Variants in CTTNBP2 observed in about 807,000 individuals in gnomAD.
CTTNBP2 encodes cortactin binding protein 2.
In CTTNBP2, 108 loss-of-function variants were observed where a neutral mutation model predicts 156.9. The ratio of observed to expected loss-of-function variants is 0.69; its 90% CI spans 0.59 to 0.81. The LOEUF is 0.81. CTTNBP2 is among the 30% of genes least tolerant of loss of function. The pLI, the probability that CTTNBP2 is intolerant of heterozygous loss-of-function variation, is 0.00. For missense variants in CTTNBP2, 1,924 were observed against 2,035.4 expected (o/e 0.95, Z 1.05); for synonymous variants, 767 against 751.8 (o/e 1.02, Z -0.33).
intron 19 of CTTNBP2, among the ~76,000 whole-genome samples, chr7:117,724,346 G>C (rs978097230): frequency 6.6e-6 from 1 of 152,090 alleles, no homozygotes; most frequent in East Asian, 1.9e-4. Flanking sequence ...GTTTGAAAGC[G>C]GTATTTTTCA....
chr7:117,869,613 GA>G (rs1414127568), intron 1 of CTTNBP2, among the ~76,000 whole-genome samples: 1 of 152,140 alleles, frequency 6.6e-6, no homozygotes, highest in African/African-American at 2.4e-5. Flanking sequence ...AAAGTTATGA[GA>G]AACACACAAG....
intron 16 of CTTNBP2, among the ~76,000 whole-genome samples, chr7:117,733,147 C>A (rs551782816): frequency 1.6e-4 from 24 of 152,284 alleles, no homozygotes; most frequent in Admixed American, 1.2e-3. Context: ...TAAGTGCCCA[C>A]AAAGATTAGG....
At chr7:117,861,181 T>G (rs944857560) in intron 2 of CTTNBP2, 28 bp downstream of exon 2, 2 of 1,390,188 alleles carry the variant, frequency 1.4e-6, no homozygotes, top group African/African-American at 2.9e-5. Context: ...TGATCCAGCA[T>G]GGAGACCCAC....
In CTTNBP2 at chr7:117,777,495, C is replaced by G. The variant is rs1335086437; in HGVS notation, c.2778+16G>C. ...AATTACAGCTGCATGATGAGGCCAG[C>G]TGCTACCAGACACACCTTAAAACCT... On this transcript the variant is annotated intron_variant, in intron 8 of 22. Coordinates refer to ENST00000160373, the MANE Select transcript of CTTNBP2 (RefSeq NM_033427.3). 6.2e-7 allele frequency: 1 copy of G among 1,607,448 alleles called. No individual in the cohort carries two copies. The highest frequency in any genetic ancestry group is 1.7e-5 in the Admixed American group (1 of 59,858).
intron 2 of CTTNBP2, among the ~76,000 whole-genome samples, chr7:117,822,717 C>T (rs1324251706): frequency 6.6e-6 from 1 of 152,192 alleles, no homozygotes; most frequent in Non-Finnish European, 1.5e-5. Context: ...ATTGAGGTCA[C>T]TGAATACATA....
intron 2 of CTTNBP2, among the ~76,000 whole-genome samples, chr7:117,814,294 TTTG>T (rs1375483184): frequency 6.6e-6 from 1 of 152,164 alleles, no homozygotes; most frequent in Non-Finnish European, 1.5e-5. Flanking sequence ...CATGTGTATT[TTTG>T]TTGTGTTTTT....
intron 1 of CTTNBP2, 129 bp downstream of exon 1, chr7:117,873,206 A>T: frequency 4.4e-6 from 3 of 674,828 alleles, no homozygotes; most frequent in Non-Finnish European, 6.3e-6. Flanking sequence ...GGCCCCGATG[A>T]AGGGGCACCG....
chr7:117,776,517 C>T (rs1329305888), intron 8 of CTTNBP2, among the ~76,000 whole-genome samples: 1 of 152,152 alleles, frequency 6.6e-6, no homozygotes, highest in Non-Finnish European at 1.5e-5. Context: ...TCCATTACCC[C>T]AATTAACAGG....
chr7:117,863,629 T>C (rs936129603), intron 1 of CTTNBP2, among the ~76,000 whole-genome samples: 2 of 152,246 alleles, frequency 1.3e-5, no homozygotes, highest in African/African-American at 4.8e-5. Context: ...AGCACTTCTG[T>C]AACTCATGCC....
rs371424675 is a variant in CTTNBP2 at position 117,740,648 on chromosome 7, G to C, written c.3535+5183C>G. On this transcript the variant is annotated intron_variant, in intron 14 of 22. Transcript: ENST00000160373. ...TATATGCTCATTATTCTAAACGTTT[G>C]AGTGGAATAGCCTAGAAAACCCCTT... Among the ~76,000 whole-genome samples the C allele has an allele frequency of 2.0e-5, 3 of 152,316 alleles. No homozygotes were observed. The East Asian group carries it at 5.8e-4, about 29-fold the overall frequency.
rs1046725445 is a variant in CTTNBP2 at position 117,767,296 on chromosome 7, T to C, written c.2779-120A>G. ...CAAGAATTCATGGCTATAAATCTTA[T>C]TTCAATTCCATCAACCCCAATATAC... is the stretch of plus-strand genomic sequence containing the variant. On this transcript the variant is annotated intron_variant, in intron 8 of 22. Coordinates refer to ENST00000160373, the MANE Select transcript of CTTNBP2 (RefSeq NM_033427.3). 7.3e-6 allele frequency: 5 copies of C among 681,564 alleles called. No individual in the cohort carries two copies. In the South Asian group the frequency reaches 8.4e-5, roughly 11 times the overall value. The allele number at this position is 681,564 out of a possible 1,614,324, so 42.2% of individuals were successfully genotyped here.
At chr7:117,783,608 C>T (rs565998354) in intron 5 of CTTNBP2, among the ~76,000 whole-genome samples, 11 of 152,216 alleles carry the variant, frequency 7.2e-5, no homozygotes, top group Non-Finnish European at 1.3e-4. Flanking sequence ...TTAAAAATAA[C>T]GGGATCTCTG....
Position 117,728,148 on chromosome 7 carries a change from A to G in CTTNBP2, c.3996T>C (p.Leu1332=), listed in dbSNP as rs1699103416. The G allele has an allele frequency of 1.2e-6, 2 of 1,614,108 alleles. No homozygotes were observed. Among genetic ancestry groups the G allele is most frequent in the Non-Finnish European group, 1.7e-6 (2 of 1,180,044 alleles). ...LARLGTPEAL[L]GPKYFLSCPV... Reference sequence around the variant, plus strand: ...GACAAGACAGGAAATATTTTGGTCCAAGAAGTGCTTCAGGTGTGCCCAAGC... The same window carrying G: ...GACAAGACAGGAAATATTTTGGTCCGAGAAGTGCTTCAGGTGTGCCCAAGC... Residue 1332 remains leucine (L), a synonymous_variant, in exon 17 of 23, where the codon CTT becomes CTC. Coordinates refer to ENST00000160373, the MANE Select transcript of CTTNBP2 (RefSeq NM_033427.3).
At chr7:117,862,431 T>A (rs1327418033) in intron 1 of CTTNBP2, among the ~76,000 whole-genome samples, 4 of 152,126 alleles carry the variant, frequency 2.6e-5, no homozygotes, top group African/African-American at 9.7e-5. Context: ...TGGCTTTAAA[T>A]CCCATGAATA....
rs1028905232 is a variant in CTTNBP2 at position 117,711,277 on chromosome 7, C to G, written c.*260G>C. ...CTGAACATCTTGATTAAAACTATTACAATTTTTCTATTATAAAACTACTTG... is the reference window on the plus strand; with the variant it reads ...CTGAACATCTTGATTAAAACTATTAGAATTTTTCTATTATAAAACTACTTG... On this transcript the variant is annotated 3_prime_UTR_variant, in exon 23 of 23. Coordinates refer to ENST00000160373, the MANE Select transcript of CTTNBP2 (RefSeq NM_033427.3). 3 of 370,870 alleles carry G rather than the reference C, an allele frequency of 8.1e-6. No individual in the cohort carries two copies. Among genetic ancestry groups the G allele is most frequent in the African/African-American group, 6.2e-5 (3 of 48,020 alleles). 23.0% of individuals were successfully genotyped at this position (370,870 alleles called of 1,614,324 possible). A position where few individuals can be genotyped will look rare whatever the true frequency, so the allele number is the denominator to read the frequency against.
At chr7:117,735,217 T>C in intron 15 of CTTNBP2, 52 bp downstream of exon 15, 1 of 1,596,924 alleles carries the variant, frequency 6.3e-7, no homozygotes, top group Non-Finnish European at 8.5e-7. Context: ...AACAGAAAGA[T>C]TAGAATATTA....
At chr7:117,842,558 A>G (rs1383121062) in intron 2 of CTTNBP2, among the ~76,000 whole-genome samples, 1 of 152,186 alleles carries the variant, frequency 6.6e-6, no homozygotes. Flanking sequence ...AAAGTAAAGT[A>G]AAGTACTCCA....
intron 2 of CTTNBP2, among the ~76,000 whole-genome samples, chr7:117,823,348 A>G (rs1801080962): frequency 6.6e-6 from 1 of 152,334 alleles, no homozygotes; most frequent in South Asian, 2.1e-4. Flanking sequence ...ACTTTTTCAT[A>G]AAATTAAGTC....
chr7:117,804,687 G>T (rs1380852128), intron 3 of CTTNBP2, among the ~76,000 whole-genome samples: 1 of 152,138 alleles, frequency 6.6e-6, no homozygotes, highest in African/African-American at 2.4e-5. Flanking sequence ...ACCAAACACT[G>T]CATGTTCTCA....
Sources: gnomAD v4.1 joint callset for allele counts (sites outside exome capture counted in the v4.1 genomes callset) on GRCh38, gnomAD v4.1.1 for gene constraint, MANE v1.5 for transcripts, NCBI Gene and HGNC (gene_info 2026-07-23, HGNC 2026-07-21) for gene names.